The following ARMH3 variants were observed in gnomAD, a reference collection of about 807,000 sequenced individuals.
The protein encoded by ARMH3 is armadillo like helical domain containing 3.
ARMH3 carries 60 observed loss-of-function variants against 99.1 expected under a neutral mutation model. The ratio of observed to expected loss-of-function variants is 0.61; its 90% CI spans 0.49 to 0.75. ARMH3 has a LOEUF of 0.75. Ranked by LOEUF, ARMH3 falls within the 30% of genes least tolerant of loss-of-function variation. The probability of loss-of-function intolerance (pLI) is 0.00; values close to 1 mark genes in which losing one functional copy is unlikely to be tolerated. For missense variants in ARMH3, 679 were observed against 843.1 expected, an observed-to-expected ratio of 0.81 and a Z score of 2.41; for synonymous variants, 285 against 292.8, an observed-to-expected ratio of 0.97 and a Z score of 0.27.
At chr10:101,944,169 C>T (rs991499265) in intron 22 of ARMH3, among the ~76,000 whole-genome samples, 77 of 143,756 alleles carry the variant, frequency 5.4e-4, no homozygotes, top group African/African-American at 1.6e-3. Flanking sequence ...AAAAGAAACC[C>T]ACGGCTAAGC....
At position 102,023,684 on chromosome 10, in the gene ARMH3, T is replaced by C; in HGVS notation, c.573A>G (p.Ala191=). 1.2e-6 allele frequency: 2 copies of C among 1,614,000 alleles called. No individual in the cohort carries two copies. Among genetic ancestry groups the C allele is most frequent in the Non-Finnish European group, 1.7e-6 (2 of 1,179,854 alleles). ...GTAACAAGGGACCTACCTGTAAAAT[T>C]GCTTCAAATATGCTGTTGATCATTA... ...EYVMINSIFE[A]ILQILSHPPS... is the part of the protein sequence containing the mutation. Residue 191 remains alanine (A), a synonymous_variant, in exon 7 of 26, where the codon GCA becomes GCG. Transcript: ENST00000370033.
intron 23 of ARMH3, among the ~76,000 whole-genome samples, chr10:101,904,779 CTG>C (rs2135514637): frequency 6.6e-6 from 1 of 152,020 alleles, no homozygotes; most frequent in South Asian, 2.1e-4. Flanking sequence ...TGGTAAAACC[CTG>C]TCTCTACTAA....
intron 2 of ARMH3, among the ~76,000 whole-genome samples, chr10:102,035,781 T>G (rs1176724939): frequency 3.9e-5 from 6 of 152,198 alleles, no homozygotes; most frequent in Non-Finnish European, 2.9e-5. Flanking sequence ...CCGCCTGCCT[T>G]GGCCTCCCAA....
intron 20 of ARMH3, among the ~76,000 whole-genome samples, chr10:101,964,157 T>A (rs1845435333): frequency 6.6e-6 from 1 of 152,186 alleles, no homozygotes; most frequent in African/African-American, 2.4e-5. Context: ...ACTGCAGGTG[T>A]AAGCCACTGC....
intron 23 of ARMH3, among the ~76,000 whole-genome samples, chr10:101,905,872 C>T (rs2068089454): frequency 1.3e-5 from 2 of 152,218 alleles, no homozygotes; most frequent in Non-Finnish European, 1.5e-5. Context: ...AGAATTATAA[C>T]TACCTTTCAA....
intron 15 of ARMH3, among the ~76,000 whole-genome samples, chr10:101,998,936 T>C (rs2066280522): frequency 6.6e-6 from 1 of 152,214 alleles, no homozygotes; most frequent in Admixed American, 6.5e-5. Flanking sequence ...TTTTTTGTTA[T>C]TTAGGAATCT....
intron 24 of ARMH3, among the ~76,000 whole-genome samples, chr10:101,875,328 G>A (rs1400194013): frequency 6.6e-6 from 1 of 152,012 alleles, no homozygotes; most frequent in African/African-American, 2.4e-5. Context: ...TCCACTGGGT[G>A]CTTATAGTGA....
intron 23 of ARMH3, among the ~76,000 whole-genome samples, chr10:101,903,713 T>C (rs1057285355): frequency 6.6e-6 from 1 of 152,174 alleles, no homozygotes; most frequent in Non-Finnish European, 1.5e-5. Flanking sequence ...CTTCAACAAA[T>C]AGTCAAATTT....
At chr10:102,034,246 A>G (rs766784086) in intron 2 of ARMH3, among the ~76,000 whole-genome samples, 4 of 152,242 alleles carry the variant, frequency 2.6e-5, no homozygotes, top group African/African-American at 9.6e-5. Context: ...CCAAAGAGTA[A>G]GCAAAATTAT....
intron 23 of ARMH3, among the ~76,000 whole-genome samples, chr10:101,897,862 G>A (rs958834858): frequency 5.9e-5 from 9 of 152,200 alleles, no homozygotes; most frequent in Non-Finnish European, 1.3e-4. Flanking sequence ...TATACAGGCT[G>A]AAGCAAAATG....
intron 23 of ARMH3, among the ~76,000 whole-genome samples, chr10:101,915,793 G>GC (rs1174060015): frequency 2.0e-5 from 3 of 149,298 alleles, no homozygotes; most frequent in Non-Finnish European, 4.4e-5. Flanking sequence ...TGGCACTATT[G>GC]CAAGTCCTTT....
intron 23 of ARMH3, among the ~76,000 whole-genome samples, chr10:101,924,536 T>A (rs935179790): frequency 2.0e-5 from 3 of 151,512 alleles, no homozygotes; most frequent in African/African-American, 4.8e-5. Flanking sequence ...TTTTTTTTTT[T>A]AGTAGAGACG....
In ARMH3 at chr10:101,992,064, G is replaced by C. The variant is rs764688701; in HGVS notation, c.1276-26C>G. 3 of 1,591,156 alleles carry C rather than the reference G, an allele frequency of 1.9e-6. No individual in the cohort carries two copies. In the African/African-American group the frequency reaches 4.0e-5, roughly 21 times the overall value. On this transcript the variant is annotated intron_variant, in intron 17 of 25. Transcript: ENST00000370033. Reference sequence around the variant, plus strand: ...CTTCACACCAAAAAAATGAAGAAAGGAAATTAGTAGACACCGGCACTGACA... The same window carrying C: ...CTTCACACCAAAAAAATGAAGAAAGCAAATTAGTAGACACCGGCACTGACA...
chr10:101,865,564 CT>C (rs960221962), intron 24 of ARMH3, among the ~76,000 whole-genome samples: 8 of 152,112 alleles, frequency 5.3e-5, no homozygotes, highest in Admixed American at 3.3e-4. Context: ...TCTTGGCTCA[CT>C]GCAGCCTCTG....
At chr10:101,962,361 A>G (rs1845336725) in intron 20 of ARMH3, among the ~76,000 whole-genome samples, 1 of 152,212 alleles carries the variant, frequency 6.6e-6, no homozygotes, top group African/African-American at 2.4e-5. Context: ...CTACAAGTTA[A>G]TAACTGTGTC....
In ARMH3 at chr10:102,033,342, G is replaced by A. The variant is rs1437903853; in HGVS notation, c.103-3C>T. The A allele has an allele frequency of 6.2e-7, 1 of 1,613,676 alleles. No homozygotes were observed. The highest frequency in any genetic ancestry group is 1.1e-5 in the South Asian group (1 of 91,048). On this transcript the variant is annotated splice_polypyrimidine_tract_variant and splice_region_variant and intron_variant, in intron 2 of 25. Transcript: ENST00000370033. ...CTGCACTTACTGGGGTCCTCTGTCT[G>A]AAACCAGAATATAAGCACATTCAGC...
intron 19 of ARMH3, among the ~76,000 whole-genome samples, chr10:101,976,285 A>T (rs1211325942): frequency 6.6e-6 from 1 of 151,248 alleles, no homozygotes; most frequent in East Asian, 1.9e-4. Context: ...GGTTGCAGTG[A>T]ACCAAGATCG....
chr10:101,963,360 T>C (rs1564799212), intron 20 of ARMH3, among the ~76,000 whole-genome samples: 1 of 152,098 alleles, frequency 6.6e-6, no homozygotes. Context: ...CTCCATCTCC[T>C]GACCTCGTGA....
intron 17 of ARMH3, 145 bp downstream of exon 17, chr10:101,993,393 T>G (rs1025534270): frequency 7.8e-6 from 4 of 514,000 alleles, no homozygotes; most frequent in African/African-American, 2.0e-5. Flanking sequence ...ACAACAAGCA[T>G]GGGTCTGTTG....
Sources: allele counts gnomAD v4.1 joint callset (sites outside exome capture counted in the v4.1 genomes callset), GRCh38; gene constraint gnomAD v4.1.1; transcripts MANE v1.5; gene names NCBI Gene and HGNC (gene_info 2026-07-23, HGNC 2026-07-21).